CALB2: variants seen among roughly 807,000 people sequenced by gnomAD.
CALB2 encodes calbindin 2.
In CALB2, 34 loss-of-function variants were observed where a neutral mutation model predicts 45.9. The ratio of observed to expected loss-of-function variants is 0.74; its 90% CI spans 0.56 to 0.99. The LOEUF is 0.99. CALB2 is among the 50% of genes least tolerant of loss of function. CALB2 has a pLI of 0.00. For missense variants in CALB2, 344 were observed against 339.3 expected (o/e 1.01, Z -0.11); for synonymous variants, 142 against 129.6 (o/e 1.10, Z -0.65).
chr16:71,386,389 G>T (rs2042571525), intron 10 of CALB2, among the ~76,000 whole-genome samples: 1 of 152,228 alleles, frequency 6.6e-6, no homozygotes, highest in Non-Finnish European at 1.5e-5. Context: ...GGAGGACAGA[G>T]GCCAGTGAGA....
intron 1 of CALB2, among the ~76,000 whole-genome samples, chr16:71,365,503 C>A (rs1328956417): frequency 1.3e-5 from 2 of 152,148 alleles, no homozygotes; most frequent in Non-Finnish European, 2.9e-5. Context: ...TGGCCTAGAC[C>A]AAAATTTGAA....
intron 10 of CALB2, among the ~76,000 whole-genome samples, 196 bp downstream of exon 10, chr16:71,385,844 T>A: frequency 6.6e-6 from 1 of 152,204 alleles, no homozygotes; most frequent in East Asian, 1.9e-4. Context: ...TGTTTCTTTT[T>A]AAAATTTAAT....
chr16:71,378,823 A>G (rs1310958265), intron 4 of CALB2, among the ~76,000 whole-genome samples: 1 of 152,110 alleles, frequency 6.6e-6, no homozygotes, highest in African/African-American at 2.4e-5. Context: ...ACTCAATAAT[A>G]ATGTTGTGTC....
intron 1 of CALB2, among the ~76,000 whole-genome samples, chr16:71,365,084 G>A (rs2042270313): frequency 6.6e-6 from 1 of 152,146 alleles, no homozygotes; most frequent in Admixed American, 6.5e-5. Flanking sequence ...GCAGAGCCTG[G>A]GGAAGCCAAT....
chr16:71,377,782 G>A (rs2042435376), intron 4 of CALB2, 35 bp downstream of exon 4: 4 of 1,501,922 alleles, frequency 2.7e-6, no homozygotes, highest in African/African-American at 1.4e-5. Context: ...TCTAAGCACT[G>A]GGACCTGCCT....
At chr16:71,374,698 C>G in intron 2 of CALB2, 47 bp from the exon 3 acceptor site, 1 of 1,293,334 alleles carries the variant, frequency 7.7e-7, no homozygotes, top group Non-Finnish European at 1.1e-6. Flanking sequence ...GATCATGGTT[C>G]ACATGAGATA....
intron 10 of CALB2, among the ~76,000 whole-genome samples, chr16:71,386,453 G>A (rs1598177616): frequency 6.6e-6 from 1 of 152,214 alleles, no homozygotes; most frequent in Non-Finnish European, 1.5e-5. Flanking sequence ...TGGGGGAGGG[G>A]TTAAAAGGAG....
At chr16:71,374,712 C>A in intron 2 of CALB2, 33 bp from the exon 3 acceptor site, 1 of 1,416,364 alleles carries the variant, frequency 7.1e-7, no homozygotes, top group Non-Finnish European at 1.0e-6. Context: ...TGAGATACAG[C>A]AGCAAAAATC....
In CALB2 at chr16:71,372,198, A is replaced by G. The variant is rs766428237; in HGVS notation, c.140A>G (p.Glu47Gly). Reference protein sequence around the residue: ...EGKELENFFQELEKARKGSGM... With the variant: ...EGKELENFFQGLEKARKGSGM... ...AAAGAGCTAGAAAACTTTTTCCAAG[A>G]GCTGGAGAAGGCAAGGAAAGGCTCT... Residue 47 changes from glutamate (E) to glycine (G), a missense_variant, in exon 2 of 11, where the codon GAG becomes GGG. Glu to Gly is a moderately conservative substitution (Grantham distance 98). This residue lies in a region of CALB2 where 77 missense variants were observed against 80.5 expected (regional missense o/e 0.96). Coordinates refer to ENST00000302628, the MANE Select transcript of CALB2 (RefSeq NM_001740.5). 15 of 1,613,242 alleles carry G rather than the reference A, an allele frequency of 9.3e-6. No homozygotes were observed. The South Asian group carries it at 1.6e-4, about 18-fold the overall frequency.
intron 8 of CALB2, 125 bp downstream of exon 8, chr16:71,384,503 AAC>A: frequency 2.9e-6 from 2 of 690,688 alleles, no homozygotes; most frequent in East Asian, 5.6e-5. Flanking sequence ...ACACACACAA[AAC>A]ACACCACACA....
intron 10 of CALB2, 21 bp from the exon 11 acceptor site, chr16:71,389,728 C>T (rs772470432): frequency 1.6e-5 from 26 of 1,585,948 alleles, no homozygotes; most frequent in Non-Finnish European, 2.1e-5. Context: ...CCTGCTCTTA[C>T]CCTCTCCCTG....
At chr16:71,381,531 TC>T (rs1221020972) in intron 4 of CALB2, among the ~76,000 whole-genome samples, 1 of 151,960 alleles carries the variant, frequency 6.6e-6, no homozygotes, top group Non-Finnish European at 1.5e-5. Flanking sequence ...ACTCTAAATG[TC>T]CATAAACTCT....
At chr16:71,367,154 G>A (rs920030794) in intron 1 of CALB2, among the ~76,000 whole-genome samples, 7 of 152,148 alleles carry the variant, frequency 4.6e-5, no homozygotes, top group Non-Finnish European at 8.8e-5. Flanking sequence ...ACTGAGGCAC[G>A]GTAGTGGTGC....
intron 1 of CALB2, among the ~76,000 whole-genome samples, chr16:71,366,175 C>T (rs1347543959): frequency 6.7e-6 from 1 of 150,058 alleles, no homozygotes; most frequent in African/African-American, 2.5e-5. Context: ...TACGTGTGCC[C>T]GCTACCACGC....
At chr16:71,379,949 C>T (rs1358140442) in intron 4 of CALB2, among the ~76,000 whole-genome samples, 1 of 152,194 alleles carries the variant, frequency 6.6e-6, no homozygotes, top group Non-Finnish European at 1.5e-5. Context: ...GACATTCTAG[C>T]TTCTGTTCTT....
chr16:71,366,895 A>G (rs1259923846), intron 1 of CALB2, among the ~76,000 whole-genome samples: 1 of 152,180 alleles, frequency 6.6e-6, no homozygotes, highest in Non-Finnish European at 1.5e-5. Context: ...GCTCAGAGAG[A>G]TTGACTTGCC....
chr16:71,366,024 C>CTCTTTTT (rs1567534845), intron 1 of CALB2, among the ~76,000 whole-genome samples: 2 of 45,066 alleles, frequency 4.4e-5, no homozygotes, highest in African/African-American at 1.9e-4. Flanking sequence ...CTCTCTCTCT[C>CTCTTTTT]TTTTTTTTTT....
At chr16:71,376,955 T>C (rs1001269984) in intron 3 of CALB2, among the ~76,000 whole-genome samples, 21 of 152,186 alleles carry the variant, frequency 1.4e-4, no homozygotes, top group East Asian at 7.7e-4. Flanking sequence ...CGACATTGCA[T>C]TGGGCAAAAC....
Position 71,381,583 on chromosome 16 carries a change from G to A in CALB2, c.343-1136G>A, listed in dbSNP as rs78540307. Among the ~76,000 whole-genome samples, 1,348 of 152,222 alleles carry A rather than the reference G, an allele frequency of 8.9e-3. 19 individuals are homozygous for A. Among genetic ancestry groups the A allele is most frequent in the African/African-American group, 0.03 (1,264 of 41,530 alleles). ...AAAGGGGCACATGCAGTGGAGAAGT[G>A]GGGGGAGGCAGGGGATAAGATGTAG... On this transcript the variant is annotated intron_variant, in intron 4 of 10. Transcript: ENST00000302628.
Sources: allele counts gnomAD v4.1 joint callset (sites outside exome capture counted in the v4.1 genomes callset), GRCh38; gene constraint gnomAD v4.1.1; regional missense constraint gnomAD v4.1.1; transcripts MANE v1.5; gene names NCBI Gene and HGNC (gene_info 2026-07-23, HGNC 2026-07-21).